DNAH11: variants seen among roughly 807,000 people sequenced by gnomAD.
The protein encoded by DNAH11 is axonemal beta dynein heavy chain 11.
DNAH11 carries 442 observed loss-of-function variants against 526.0 expected under a neutral mutation model. The observed-to-expected ratio is 0.84, with a 90% CI of 0.78 to 0.91. The LOEUF is 0.91. Among genes scored for constraint, DNAH11 ranks in the 40% least tolerant of loss-of-function variants. The pLI is 0.00. For synonymous variants in DNAH11, 2,461 were observed against 1,935.9 expected, an observed-to-expected ratio of 1.27 and a Z score of -7.12; for missense variants, 6,989 against 5,448.7, an observed-to-expected ratio of 1.28 and a Z score of -8.90.
chr7:21,575,084 C>T (rs10950861), intron 8 of DNAH11, among the ~76,000 whole-genome samples: 25,594 of 151,626 alleles, frequency 0.17, 2,211 homozygotes, highest in Middle Eastern at 0.22. Context: ...ACCATGTTGG[C>T]CAGGCTGGTC....
intron 80 of DNAH11, 114 bp from the exon 81 acceptor site, chr7:21,899,866 C>G: frequency 7.5e-7 from 1 of 1,333,478 alleles, no homozygotes; most frequent in Non-Finnish European, 1.0e-6. Flanking sequence ...TGTGCCAATG[C>G]CCAAGAACCT....
chr7:21,659,105 T>A (rs1782140563), intron 30 of DNAH11, 74 bp downstream of exon 30: 4 of 1,254,778 alleles, frequency 3.2e-6, no homozygotes, highest in Non-Finnish European at 3.3e-6. Context: ...ATTCTTTTAG[T>A]CATTCATTTA....
chr7:21,566,306 C>A (rs763384330), intron 6 of DNAH11, among the ~76,000 whole-genome samples: 11 of 152,064 alleles, frequency 7.2e-5, no homozygotes, highest in Non-Finnish European at 1.3e-4. Flanking sequence ...GGCTTCTATC[C>A]AAAGGTTTCA....
intron 73 of DNAH11, among the ~76,000 whole-genome samples, chr7:21,872,123 C>CAAAAAAAAAAAA (rs776718319): frequency 0.091 from 2,801 of 30,826 alleles, 936 homozygotes; most frequent in Middle Eastern, 0.15. Flanking sequence ...GACTCTGTCT[C>CAAAAAAAAAAAA]AAAAAAAAAA....
intron 54 of DNAH11, among the ~76,000 whole-genome samples, chr7:21,752,879 A>T (rs1786472470): frequency 6.6e-6 from 1 of 151,872 alleles, no homozygotes; most frequent in Non-Finnish European, 1.5e-5. Context: ...CACTTGGCTA[A>T]TTTTTTGTAT....
chr7:21,846,632 A>G (rs1055777340), intron 66 of DNAH11, among the ~76,000 whole-genome samples: 8 of 152,048 alleles, frequency 5.3e-5, no homozygotes, highest in African/African-American at 1.9e-4. Flanking sequence ...GATGTTCACA[A>G]CTATGCTCAT....
intron 20 of DNAH11, among the ~76,000 whole-genome samples, chr7:21,610,680 G>C (rs1562698908): frequency 6.6e-6 from 1 of 151,574 alleles, no homozygotes; most frequent in Non-Finnish European, 1.5e-5. Flanking sequence ...AAAAGGGCCA[G>C]ATACTTACAG....
At chr7:21,832,413 C>T (rs1451595765) in intron 65 of DNAH11, among the ~76,000 whole-genome samples, 1 of 152,128 alleles carries the variant, frequency 6.6e-6, no homozygotes, top group African/African-American at 2.4e-5. Context: ...TTTATTTCTC[C>T]TTCGCTTATG....
chr7:21,647,112 T>C (rs746490155), intron 28 of DNAH11, among the ~76,000 whole-genome samples: 40 of 152,284 alleles, frequency 2.6e-4, no homozygotes, highest in Admixed American at 1.5e-3. Context: ...GAGCTTAATA[T>C]GTGTGCTAGG....
intron 61 of DNAH11, among the ~76,000 whole-genome samples, chr7:21,799,141 C>A (rs1382772753): frequency 3.3e-5 from 5 of 151,966 alleles, no homozygotes; most frequent in African/African-American, 1.2e-4. Flanking sequence ...TTATTAATTC[C>A]ATTTTTAAGA....
At chr7:21,858,334 T>C (rs1486434779) in intron 68 of DNAH11, among the ~76,000 whole-genome samples, 1 of 152,186 alleles carries the variant, frequency 6.6e-6, no homozygotes, top group African/African-American at 2.4e-5. Flanking sequence ...AAGATAAATA[T>C]ACAGTTAGAA....
intron 61 of DNAH11, among the ~76,000 whole-genome samples, chr7:21,797,942 C>G (rs1052317327): frequency 3.3e-5 from 5 of 152,222 alleles, no homozygotes; most frequent in African/African-American, 9.7e-5. Context: ...ATTTTACATG[C>G]ATTAAGACAC....
chr7:21,658,125 T>C (rs1342364042), intron 29 of DNAH11, among the ~76,000 whole-genome samples: 1 of 152,044 alleles, frequency 6.6e-6, no homozygotes, highest in African/African-American at 2.4e-5. Flanking sequence ...CTGGGCTAAG[T>C]TGTATTTTTG....
intron 73 of DNAH11, among the ~76,000 whole-genome samples, chr7:21,871,126 T>C (rs926474201): frequency 5.3e-5 from 8 of 152,230 alleles, no homozygotes; most frequent in Non-Finnish European, 8.8e-5. Context: ...GATAGAGCCC[T>C]CTAAAGGTGT....
Position 21,826,598 on chromosome 7 carries a change from CT to C in DNAH11, c.10691+8270del, listed in dbSNP as rs559298936. Among the ~76,000 whole-genome samples the C allele has an allele frequency of 9.1e-3, 1,345 of 147,044 alleles. 9 individuals carry two copies. The highest frequency in any genetic ancestry group is 0.032 in the Middle Eastern group (9 of 284). ...ACATTTTACTTGATTTCTCTATCCT[CT>C]TTTTTTTTTTCCTATGTGACTATCT... is the stretch of plus-strand genomic sequence containing the variant. On this transcript the variant is annotated intron_variant, in intron 65 of 81. Transcript: ENST00000409508.
intron 7 of DNAH11, 159 bp downstream of exon 7, chr7:21,570,458 T>C (rs1783841534): frequency 5.7e-6 from 3 of 525,124 alleles, no homozygotes; most frequent in Non-Finnish European, 9.7e-6. Flanking sequence ...GCTATGATGA[T>C]ACAAGGGCAT....
chr7:21,798,936 T>G (rs1788839910), intron 61 of DNAH11, among the ~76,000 whole-genome samples: 1 of 152,144 alleles, frequency 6.6e-6, no homozygotes, highest in Non-Finnish European at 1.5e-5. Flanking sequence ...TTTTTAAATT[T>G]TTTTCAGTTT....
chr7:21,685,499 A>G (rs573722526), intron 32 of DNAH11, among the ~76,000 whole-genome samples: 1 of 152,306 alleles, frequency 6.6e-6, no homozygotes, highest in Non-Finnish European at 1.5e-5. Flanking sequence ...CATTCTTTGA[A>G]TTATTTACTA....
intron 2 of DNAH11, among the ~76,000 whole-genome samples, chr7:21,547,736 G>C (rs1782858156): frequency 6.6e-6 from 1 of 152,172 alleles, no homozygotes; most frequent in Admixed American, 6.5e-5. Flanking sequence ...CCAGTACTTA[G>C]ATTTATCATG....
Sources: gnomAD v4.1 joint callset for allele counts (sites outside exome capture counted in the v4.1 genomes callset) on GRCh38, gnomAD v4.1.1 for gene constraint, MANE v1.5 for transcripts, NCBI Gene and HGNC (gene_info 2026-07-23, HGNC 2026-07-21) for gene names.